MYO1B: variants seen among roughly 807,000 people sequenced by gnomAD.
MYO1B encodes the protein myosin IB, also known as unconventional myosin-Ib.
MYO1B carries 72 observed loss-of-function variants against 159.7 expected under a neutral mutation model. The observed-to-expected ratio is 0.45, with a 90% CI of 0.37 to 0.55. The LOEUF is 0.55. Among genes scored for constraint, MYO1B ranks in the 20% least tolerant of loss-of-function variants. The probability of loss-of-function intolerance (pLI) is 0.00; values close to 1 mark genes in which losing one functional copy is unlikely to be tolerated. For synonymous variants in MYO1B, 468 were observed against 473.8 expected, an observed-to-expected ratio of 0.99 and a Z score of 0.16; for missense variants, 1,062 against 1,364.8, an observed-to-expected ratio of 0.78 and a Z score of 3.50.
At chr2:191,364,989 G>GA (rs1417310846) in intron 11 of MYO1B, among the ~76,000 whole-genome samples, 2 of 152,178 alleles carry the variant, frequency 1.3e-5, no homozygotes, top group African/African-American at 2.4e-5. Context: ...CTTACTTCTT[G>GA]AACCCCCTCT....
At chr2:191,290,413 G>C (rs988391089) in intron 2 of MYO1B, among the ~76,000 whole-genome samples, 2 of 152,150 alleles carry the variant, frequency 1.3e-5, no homozygotes, top group Non-Finnish European at 2.9e-5. Flanking sequence ...AAAGGTTAAG[G>C]AGTGCTGTGT....
In MYO1B at chr2:191,420,930, A is replaced by G. The variant is rs180942418; in HGVS notation, c.3288-2907A>G. 6.6e-5 allele frequency among the ~76,000 whole-genome samples: 10 copies of G among 152,280 alleles called. No individual in the cohort carries two copies. The East Asian group carries it at 7.7e-4, about 12-fold the overall frequency. On this transcript the variant is annotated intron_variant, in intron 30 of 30. Transcript: ENST00000392318. ...GTTGGAGGAGGATTTTCTCTTTTCTATGAGGTGAAGATAAATAATAGTGCT... is the reference window on the plus strand; with the variant it reads ...GTTGGAGGAGGATTTTCTCTTTTCTGTGAGGTGAAGATAAATAATAGTGCT...
At chr2:191,364,996 CT>C (rs1485134049) in intron 11 of MYO1B, among the ~76,000 whole-genome samples, 2 of 151,434 alleles carry the variant, frequency 1.3e-5, no homozygotes, top group African/African-American at 4.9e-5. Context: ...CTTGAACCCC[CT>C]CTACCCTTGA....
At chr2:191,400,311 T>G in intron 21 of MYO1B, 71 bp from the exon 22 acceptor site, 2 of 1,497,986 alleles carry the variant, frequency 1.3e-6, no homozygotes, top group Non-Finnish European at 9.3e-7. Flanking sequence ...TCTCTTCAGG[T>G]TTTTTTTTCA....
At position 191,363,358 on chromosome 2, in the gene MYO1B, A is replaced by G. The variant is rs114880295; in HGVS notation, c.766-370A>G. Reference sequence around the variant, plus strand: ...CAAACCACAGTTTTTCTGATATGTAAAATGAATGAGGAGCTTTTCTTTGTA... The same window carrying G: ...CAAACCACAGTTTTTCTGATATGTAGAATGAATGAGGAGCTTTTCTTTGTA... On this transcript the variant is annotated intron_variant, in intron 9 of 30. Coordinates refer to ENST00000392318, the MANE Select transcript of MYO1B (RefSeq NM_001130158.3). Among the ~76,000 whole-genome samples the G allele has an allele frequency of 9.1e-3, 1,382 of 152,272 alleles. 25 individuals carry two copies. The highest frequency in any genetic ancestry group is 0.031 in the African/African-American group (1,287 of 41,540).
At chr2:191,332,989 A>T (rs896184740) in intron 4 of MYO1B, among the ~76,000 whole-genome samples, 1 of 152,240 alleles carries the variant, frequency 6.6e-6, no homozygotes, top group African/African-American at 2.4e-5. Flanking sequence ...AATTGAATGA[A>T]CATCATGTAC....
chr2:191,381,486 A>G lies in MYO1B; in HGVS notation c.1210A>G (p.Ile404Val). The G allele has an allele frequency of 1.9e-6, 3 of 1,613,716 alleles. No individual in the cohort carries two copies. The highest frequency in any genetic ancestry group is 1.3e-5 in the African/African-American group (1 of 75,016). ...FEDNSFEQFI[I>V]NYCNEKLQQI... ...GGACAACAGCTTTGAGCAGTTCATTATTAATTATTGTAACGAAAAGCTGCA... is the reference window on the plus strand; with the variant it reads ...GGACAACAGCTTTGAGCAGTTCATTGTTAATTATTGTAACGAAAAGCTGCA... The change falls in exon 14 of 31, where the codon ATT (isoleucine) becomes GTT (valine). Residue 404 changes from isoleucine (I) to valine (V), a missense_variant. Transcript: ENST00000392318.
chr2:191,414,807 A>G (rs571012797), intron 29 of MYO1B, 138 bp downstream of exon 29: 1 of 792,790 alleles, frequency 1.3e-6, no homozygotes, highest in African/African-American at 1.8e-5. Flanking sequence ...CCTATGTAAA[A>G]TCTCCGACTC....
At chr2:191,372,016 A>G (rs766345580) in intron 13 of MYO1B, among the ~76,000 whole-genome samples, 6 of 152,260 alleles carry the variant, frequency 3.9e-5, no homozygotes, top group Non-Finnish European at 7.3e-5. Flanking sequence ...ATTTCTTTCT[A>G]GCAAGACCTC....
intron 3 of MYO1B, among the ~76,000 whole-genome samples, chr2:191,326,648 C>T (rs1422689674): frequency 6.6e-6 from 1 of 151,966 alleles, no homozygotes; most frequent in Non-Finnish European, 1.5e-5. Flanking sequence ...TTGAGGACAG[C>T]AGTTAAGTAT....
intron 1 of MYO1B, among the ~76,000 whole-genome samples, chr2:191,275,741 T>C (rs957737737): frequency 6.6e-6 from 1 of 152,242 alleles, no homozygotes; most frequent in Non-Finnish European, 1.5e-5. Flanking sequence ...ACACTGAAGT[T>C]ATATAAAACT....
intron 13 of MYO1B, 147 bp from the exon 14 acceptor site, chr2:191,381,315 G>A (rs927703193): frequency 2.9e-5 from 21 of 712,530 alleles, no homozygotes; most frequent in Non-Finnish European, 4.1e-5. Context: ...ATGGGCAAGC[G>A]TCTGTCCTAG....
At chr2:191,371,009 A>G (rs1694329614) in intron 13 of MYO1B, 1 of 152,230 alleles carries the variant, frequency 6.6e-6, no homozygotes, top group Non-Finnish European at 1.5e-5. Flanking sequence ...CCCTGAAAAA[A>G]GTGATTTGGA....
intron 20 of MYO1B, 146 bp downstream of exon 20, chr2:191,393,368 T>A (rs949574705): frequency 2.0e-5 from 20 of 1,012,874 alleles, no homozygotes; most frequent in African/African-American, 1.8e-4. Flanking sequence ...TTCTTTTTTT[T>A]AAAGATGAGA....
intron 3 of MYO1B, among the ~76,000 whole-genome samples, chr2:191,327,478 A>C (rs1176817563): frequency 6.6e-6 from 1 of 152,228 alleles, no homozygotes; most frequent in Non-Finnish European, 1.5e-5. Context: ...TACATTCTCC[A>C]TGTTGGAGAT....
chr2:191,418,635 A>G (rs955167022), intron 30 of MYO1B, among the ~76,000 whole-genome samples: 3 of 151,880 alleles, frequency 2.0e-5, no homozygotes, highest in Non-Finnish European at 4.4e-5. Flanking sequence ...GATTACAGGC[A>G]TGCACCACCA....
intron 3 of MYO1B, among the ~76,000 whole-genome samples, chr2:191,327,279 G>T (rs1476165392): frequency 6.6e-6 from 1 of 152,152 alleles, no homozygotes; most frequent in Admixed American, 6.5e-5. Flanking sequence ...TTATGTCTCT[G>T]TGGCATAAAC....
At chr2:191,275,093 AT>A (rs1261816270) in intron 1 of MYO1B, among the ~76,000 whole-genome samples, 1 of 151,772 alleles carries the variant, frequency 6.6e-6, no homozygotes, top group African/African-American at 2.4e-5. Context: ...TTTAGTAGAG[AT>A]GGGGTTTCAC....
chr2:191,399,462 G>A (rs1279027565), intron 21 of MYO1B, among the ~76,000 whole-genome samples: 4 of 152,220 alleles, frequency 2.6e-5, no homozygotes, highest in Admixed American at 6.5e-5. Flanking sequence ...AAGTAGTAGC[G>A]ATAGACTGTG....
Sources: gnomAD v4.1 joint callset for allele counts (sites outside exome capture counted in the v4.1 genomes callset) on GRCh38, gnomAD v4.1.1 for gene constraint, MANE v1.5 for transcripts, NCBI Gene and HGNC (gene_info 2026-07-23, HGNC 2026-07-21) for gene names.